Variants in LCTL observed in about 807,000 individuals in gnomAD.
The protein encoded by LCTL is lactase like, also known as lactase-like protein.
A neutral mutation model predicts 75.8 loss-of-function variants in LCTL; 76 were observed. The observed-to-expected ratio is 1.00, with a 90% CI of 0.83 to 1.21. The LOEUF (loss-of-function observed/expected upper bound fraction) is 1.21, where lower values mean the gene tolerates loss of function less well. LCTL is among the 50% of genes most tolerant of loss of function. The pLI, the probability that LCTL is intolerant of heterozygous loss-of-function variation, is 0.00. For missense variants in LCTL, 670 were observed against 712.4 expected (o/e 0.94, Z 0.68); for synonymous variants, 271 against 268.8 (o/e 1.01, Z -0.08).
At chr15:66,557,471 C>T (rs2140843806) in intron 8 of LCTL, among the ~76,000 whole-genome samples, 1 of 152,122 alleles carries the variant, frequency 6.6e-6, no homozygotes, top group East Asian at 1.9e-4. Context: ...ATAAGAGAGA[C>T]CAGCCCAAAG....
intron 6 of LCTL, among the ~76,000 whole-genome samples, chr15:66,560,051 C>T (rs1315972253): frequency 6.6e-6 from 1 of 151,980 alleles, no homozygotes; most frequent in Non-Finnish European, 1.5e-5. Context: ...CACGCCGCTT[C>T]ACTGCATCCT....
chr15:66,565,195 G>T, intron 1 of LCTL, 53 bp downstream of exon 2: 1 of 1,206,482 alleles, frequency 8.3e-7, no homozygotes, highest in Non-Finnish European at 1.2e-6. Flanking sequence ...GTCAGCCAAA[G>T]TGGGCAGGTG....
chr15:66,548,336 A>T, exon 13 of LCTL: 1 of 427,588 alleles, frequency 2.3e-6, no homozygotes. Flanking sequence ...TTATTTTCTA[A>T]TTCTTAAATC....
At chr15:66,563,548 T>A in exon 4 of LCTL, 1 of 1,612,372 alleles carries the variant, frequency 6.2e-7, no homozygotes, top group South Asian at 1.1e-5. Flanking sequence ...AAGGTCACGA[T>A]GGGAGTGATG....
intron 9 of LCTL, among the ~76,000 whole-genome samples, chr15:66,552,687 A>C (rs1895637520): frequency 7.0e-6 from 1 of 142,158 alleles, no homozygotes; most frequent in Non-Finnish European, 1.6e-5. Context: ...AAAAAAAAAA[A>C]AACATTGTTG....
chr15:66,557,910 T>C, intron 7 of LCTL, 27 bp from the exon 9 acceptor site: 1 of 1,611,194 alleles, frequency 6.2e-7, no homozygotes, highest in Non-Finnish European at 8.5e-7. Context: ...GAAAAGGGAG[T>C]GGGGAGTGGG....
chr15:66,564,705 C>T lies in LCTL; in HGVS notation c.253G>A (p.Val85Ile), dbSNP rs749723817. ...ACCTTGTAGTAGCCGTCACAGGCTA[C>T]ATCTGCCGTCTCATTCCCAAGCACT... is the stretch of plus-strand genomic sequence containing the variant. The change falls in exon 2 of 13, where the codon GTA becomes ATA. Residue 85 changes from valine to isoleucine, a missense_variant. By Grantham distance (29) the Val-to-Ile change is conservative. Transcript: ENST00000341509. 1.9e-6 allele frequency: 3 copies of T among 1,613,392 alleles called. No individual in the cohort carries two copies. The Admixed American group carries it at 5.0e-5, about 27-fold the overall frequency.
At chr15:66,548,377 AAAG>A (rs1895459950) in exon 13 of LCTL, 1 of 508,500 alleles carries the variant, frequency 2.0e-6, no homozygotes, top group Non-Finnish European at 3.5e-6. Flanking sequence ...AAAGAGAAAA[AAAG>A]GTAATTATTG....
chr15:66,554,546 C>T (rs12910351), intron 8 of LCTL, among the ~76,000 whole-genome samples: 13,507 of 152,224 alleles, frequency 0.089, 778 homozygotes, highest in Middle Eastern at 0.13. Flanking sequence ...ATCTTTGTCC[C>T]ATCTTTCAAA....
In LCTL at chr15:66,564,846, G is replaced by T; in HGVS notation, c.119-7C>A. 1 of 1,609,044 alleles carries T rather than the reference G, an allele frequency of 6.2e-7. No homozygotes were observed. Among genetic ancestry groups the T allele is most frequent in the Non-Finnish European group, 8.5e-7 (1 of 1,179,452 alleles). ...CCCACGCCCCAGGAGAAGCCTGCAG[G>T]GGGAGACCCGTGCTGGGTCCCAGGT... On this transcript the variant is annotated splice_region_variant and splice_polypyrimidine_tract_variant and intron_variant, in intron 1 of 12. Transcript: ENST00000341509.
chr15:66,557,659 T>C, intron 8 of LCTL, 63 bp downstream of exon 9: 1 of 1,547,772 alleles, frequency 6.5e-7, no homozygotes, highest in South Asian at 1.2e-5. Flanking sequence ...TGCCTTTTGC[T>C]TGTTTCACAT....
chr15:66,561,079 T>C, exon 6 of LCTL: 1 of 1,614,200 alleles, frequency 6.2e-7, no homozygotes. Context: ...GTGGCCCGTC[T>C]CATAGCCTTT....
At chr15:66,548,476 T>C (rs1239870685) in exon 13 of LCTL, 4 of 1,459,376 alleles carry the variant, frequency 2.7e-6, no homozygotes, top group East Asian at 4.5e-5. Context: ...AGCTCCAAAA[T>C]TGATAATCCT....
intron 4 of LCTL, among the ~76,000 whole-genome samples, chr15:66,561,915 G>A (rs1211471436): frequency 6.6e-6 from 1 of 152,048 alleles, no homozygotes; most frequent in African/African-American, 2.4e-5. Context: ...GGCCTTCGAG[G>A]TCTTCCCCAA....
chr15:66,564,650 C>T (rs766694255), intron 2 of LCTL, 26 bp downstream of exon 3: 1 of 1,607,224 alleles, frequency 6.2e-7, no homozygotes, highest in Non-Finnish European at 8.5e-7. Context: ...CGCGCGCACA[C>T]ACACACACTC....
rs764186097 is a variant in LCTL at position 66,551,646 on chromosome 15, TG to T, written c.1524+15del. 111 of 1,603,284 alleles carry T rather than the reference TG, an allele frequency of 6.9e-5. No individual in the cohort carries two copies. Among genetic ancestry groups the T allele is most frequent in the Admixed American group, 5.0e-5 (3 of 59,790 alleles). On this transcript the variant is annotated intron_variant, in intron 11 of 12. Coordinates refer to ENST00000341509, the Ensembl canonical transcript of LCTL. ...TCCTAAAGTTCAGAACAGATAACAT[TG>T]ATAATGAGGCCTACCTCTCTTGGAT... is the stretch of plus-strand genomic sequence containing the variant.
chr15:66,551,676 G>C lies in LCTL; in HGVS notation c.1510C>G (p.Pro504Ala), dbSNP rs774887682. 1.4e-5 allele frequency: 23 copies of C among 1,613,734 alleles called. No individual in the cohort carries two copies. In the East Asian group the frequency reaches 3.6e-4, roughly 25 times the overall value. ...ATGAGGCCTACCTCTCTTGGATTGG[G>C]AAACCCATTGGCAATGATAATCTTC... The change falls in exon 11 of 13, where the codon CCC becomes GCC. Residue 504 changes from proline to alanine, a missense_variant. Pro to Ala is a conservative substitution (Grantham distance 27). Coordinates refer to ENST00000341509, the Ensembl canonical transcript of LCTL.
At chr15:66,557,817 A>G in exon 8 of LCTL, 1 of 1,614,164 alleles carries the variant, frequency 6.2e-7, no homozygotes, top group East Asian at 2.2e-5. Context: ...GGCAGCCTCT[A>G]GGTCCTTGGG....
intron 8 of LCTL, among the ~76,000 whole-genome samples, chr15:66,557,100 T>G (rs1186897120): frequency 6.6e-6 from 1 of 152,042 alleles, no homozygotes; most frequent in East Asian, 1.9e-4. Context: ...TAACTGAAGG[T>G]GCCAGAGTGG....
Sources: allele counts gnomAD v4.1 joint callset (sites outside exome capture counted in the v4.1 genomes callset), GRCh38; gene constraint gnomAD v4.1.1; transcripts MANE v1.5; gene names NCBI Gene and HGNC (gene_info 2026-07-23, HGNC 2026-07-21).